LAMA3: variants seen among roughly 807,000 people sequenced by gnomAD.
LAMA3 encodes the protein laminin subunit alpha-3.
LAMA3 carries 281 observed loss-of-function variants against 402.0 expected under a neutral mutation model. That is an observed-to-expected ratio of 0.70 (90% confidence interval 0.63 to 0.77). The LOEUF (loss-of-function observed/expected upper bound fraction) is 0.77, where lower values mean the gene tolerates loss of function less well. LAMA3 is among the 30% of genes least tolerant of loss of function. LAMA3 has a pLI of 0.00. For missense variants in LAMA3, 3,840 were observed against 4,215.5 expected, an observed-to-expected ratio of 0.91 and a Z score of 2.47; for synonymous variants, 1,431 against 1,558.4, an observed-to-expected ratio of 0.92 and a Z score of 1.93.
chr18:23,802,643 A>G (rs769373575), intron 12 of LAMA3, among the ~76,000 whole-genome samples: 3 of 152,186 alleles, frequency 2.0e-5, no homozygotes, highest in Non-Finnish European at 2.9e-5. Flanking sequence ...AATGATCGTC[A>G]CGTCTCCTGG....
Position 23,921,514 on chromosome 18 carries a change from T to C in LAMA3, c.8106T>C (p.Thr2702=), listed in dbSNP as rs1256998182. Reference sequence around the variant, plus strand: ...GGATAAATGTGGACGTTCAAAACACTATAATTGATGGTGAAGTATTTGATT... The same window carrying C: ...GGATAAATGTGGACGTTCAAAACACCATAATTGATGGTGAAGTATTTGATT... The part of the protein sequence containing the change: ...RMWINVDVQN[T]IIDGEVFDFS... The change falls in exon 62 of 75, where the codon ACT becomes ACC. Residue 2702 remains threonine (T), a synonymous_variant. Coordinates refer to ENST00000313654, the MANE Select transcript of LAMA3 (RefSeq NM_198129.4). 1 of 1,613,466 alleles carries C rather than the reference T, an allele frequency of 6.2e-7. No individual in the cohort carries two copies. Among genetic ancestry groups the C allele is most frequent in the African/African-American group, 1.3e-5 (1 of 74,918 alleles).
intron 12 of LAMA3, among the ~76,000 whole-genome samples, chr18:23,786,995 A>G (rs1456503359): frequency 6.6e-6 from 1 of 152,196 alleles, no homozygotes; most frequent in Non-Finnish European, 1.5e-5. Flanking sequence ...GAAAATAAAT[A>G]AACAGGCCGG....
intron 12 of LAMA3, among the ~76,000 whole-genome samples, chr18:23,793,153 G>A (rs1484439915): frequency 6.6e-6 from 1 of 152,132 alleles, no homozygotes; most frequent in Non-Finnish European, 1.5e-5. Flanking sequence ...GTGGGTGCTG[G>A]GACATAGGGG....
chr18:23,909,374 A>G (rs1022085604), intron 55 of LAMA3, 79 bp downstream of exon 55: 1 of 1,305,200 alleles, frequency 7.7e-7, no homozygotes, highest in Non-Finnish European at 1.1e-6. Context: ...AGAAAAAAAC[A>G]CTTATTTACT....
chr18:23,762,628 G>A (rs901782734), intron 7 of LAMA3, among the ~76,000 whole-genome samples: 4 of 151,770 alleles, frequency 2.6e-5, no homozygotes, highest in Non-Finnish European at 4.4e-5. Context: ...GAGGATAGCT[G>A]CCCCGACACA....
intron 62 of LAMA3, among the ~76,000 whole-genome samples, chr18:23,925,871 G>A (rs1218676757): frequency 6.6e-6 from 1 of 152,204 alleles, no homozygotes; most frequent in African/African-American, 2.4e-5. Flanking sequence ...AGTGCTGCAG[G>A]AATACCAACT....
rs77689727 is a variant in LAMA3, at chr18:23,766,323, C to T, written c.1182+2800C>T. Among the ~76,000 whole-genome samples, 1,078 of 152,058 alleles carry T rather than the reference C, an allele frequency of 7.1e-3. 20 individuals are homozygous for T. Among genetic ancestry groups the T allele is most frequent in the African/African-American group, 0.025 (1,034 of 41,468 alleles). Reference sequence around the variant, plus strand: ...AAAAAGAACCATCATCCCAGAATTCCGTATTCAGTAAAAATATCCTTCAAG... The same window carrying T: ...AAAAAGAACCATCATCCCAGAATTCTGTATTCAGTAAAAATATCCTTCAAG... On this transcript the variant is annotated intron_variant, in intron 8 of 74. Coordinates refer to ENST00000313654, the MANE Select transcript of LAMA3 (RefSeq NM_198129.4).
At chr18:23,943,098 A>G (rs781542943) in intron 68 of LAMA3, among the ~76,000 whole-genome samples, 14 of 152,226 alleles carry the variant, frequency 9.2e-5, no homozygotes, top group Admixed American at 1.3e-4. Flanking sequence ...TACTTCTCCT[A>G]CGACTTCCCT....
At chr18:23,825,177 T>C (rs2063357193) in intron 21 of LAMA3, among the ~76,000 whole-genome samples, 1 of 152,226 alleles carries the variant, frequency 6.6e-6, no homozygotes, top group African/African-American at 2.4e-5. Context: ...ACAGATTGCC[T>C]ACAACAGAGA....
At chr18:23,938,634 G>A (rs1034617327) in intron 67 of LAMA3, among the ~76,000 whole-genome samples, 1 of 151,490 alleles carries the variant, frequency 6.6e-6, no homozygotes, top group Non-Finnish European at 1.5e-5. Flanking sequence ...GCAGTTCCAT[G>A]TTTCACTGGC....
chr18:23,718,445 A>C (rs1276242833), intron 2 of LAMA3, among the ~76,000 whole-genome samples: 1 of 152,242 alleles, frequency 6.6e-6, no homozygotes, highest in Non-Finnish European at 1.5e-5. Flanking sequence ...TGAGGCTTGT[A>C]TGCAATGTGT....
intron 39 of LAMA3, among the ~76,000 whole-genome samples, chr18:23,876,904 C>T (rs944917243): frequency 1.3e-5 from 2 of 152,136 alleles, no homozygotes. Flanking sequence ...GCCTGTAATC[C>T]CAGCTACTCA....
At position 23,689,659 on chromosome 18, in the gene LAMA3, A is replaced by T. The variant is rs550395658; in HGVS notation, c.-25A>T. On this transcript the variant is annotated 5_prime_UTR_variant, in exon 1 of 75. Transcript: ENST00000313654. ...CCCCGAGCCCCTCTGCGGACGGCTCAGGCGGGAGGACCCCGCGCGGCTGGA... is the reference window on the plus strand; with the variant it reads ...CCCCGAGCCCCTCTGCGGACGGCTCTGGCGGGAGGACCCCGCGCGGCTGGA... 118 of 1,299,878 alleles carry T rather than the reference A, an allele frequency of 9.1e-5. 2 individuals carry two copies. In the Admixed American group the frequency reaches 4.9e-3, roughly 54 times the overall value. The allele number at this position is 1,299,878 out of a possible 1,614,324, so 80.5% of individuals were successfully genotyped here.
intron 2 of LAMA3, 66 bp downstream of exon 2, chr18:23,714,138 AT>A (rs2061049669): frequency 1.4e-6 from 2 of 1,403,172 alleles, no homozygotes; most frequent in Non-Finnish European, 2.0e-6. Flanking sequence ...GGGATTTCTG[AT>A]ATAATAATTA....
chr18:23,932,286 C>G lies in LAMA3; in HGVS notation c.8703C>G (p.Val2901=). The change falls in exon 66 of 75, where the codon GTC becomes GTG. Residue 2901 remains valine (V), a synonymous_variant. Coordinates refer to ENST00000313654, the MANE Select transcript of LAMA3 (RefSeq NM_198129.4). The part of the protein sequence containing the change: ...NFEGCISNVF[V]QRLSLSPEVL... ...AGGGTTGTATTAGCAATGTTTTTGT[C>G]CAGAGGTAGGTGATCCTCTCTTTGT... 2 of 1,613,888 alleles carry G rather than the reference C, an allele frequency of 1.2e-6. No homozygotes were observed. Among genetic ancestry groups the G allele is most frequent in the Non-Finnish European group, 1.7e-6 (2 of 1,179,792 alleles).
chr18:23,784,266 TG>T (rs1458914147), intron 12 of LAMA3, 109 bp downstream of exon 12: 2 of 1,327,932 alleles, frequency 1.5e-6, no homozygotes, highest in Non-Finnish European at 1.1e-6. Context: ...GTTTAATAAA[TG>T]GGCCCCTGGC....
At chr18:23,748,465 T>G (rs1273616173) in intron 3 of LAMA3, among the ~76,000 whole-genome samples, 1 of 150,978 alleles carries the variant, frequency 6.6e-6, no homozygotes, top group Non-Finnish European at 1.5e-5. Context: ...TCAGTATGAC[T>G]AGTTAGGGAC....
chr18:23,824,709 A>G (rs2063348185), intron 21 of LAMA3, 144 bp downstream of exon 21: 2 of 880,482 alleles, frequency 2.3e-6, no homozygotes, highest in Admixed American at 1.9e-5. Context: ...GCCCCAACCT[A>G]AGGAAACTGT....
At chr18:23,929,536 T>C (rs556820877) in intron 64 of LAMA3, among the ~76,000 whole-genome samples, 19 of 152,256 alleles carry the variant, frequency 1.2e-4, no homozygotes, top group African/African-American at 4.6e-4. Flanking sequence ...CCTCTCTTGG[T>C]GGCTGACTCT....
Sources: gnomAD v4.1 joint callset for allele counts (sites outside exome capture counted in the v4.1 genomes callset) on GRCh38, gnomAD v4.1.1 for gene constraint, MANE v1.5 for transcripts, NCBI Gene and HGNC (gene_info 2026-07-23, HGNC 2026-07-21) for gene names.